TRPM3: variants seen among roughly 807,000 people sequenced by gnomAD.
TRPM3 encodes long transient receptor potential channel 3.
A neutral mutation model predicts 181.2 loss-of-function variants in TRPM3; 77 were observed. The observed-to-expected ratio is 0.42, with a 90% CI of 0.35 to 0.51. The LOEUF (loss-of-function observed/expected upper bound fraction) is 0.51. TRPM3 is among the 20% of genes least tolerant of loss of function. The pLI is 0.01. For missense variants in TRPM3, 1,759 were observed against 2,196.7 expected (o/e 0.80, Z 3.98); for synonymous variants, 745 against 796.4 (o/e 0.94, Z 1.09).
chr9:70,674,140 T>C (rs921305940), intron 9 of TRPM3, among the ~76,000 whole-genome samples: 2 of 152,094 alleles, frequency 1.3e-5, no homozygotes, highest in Non-Finnish European at 2.9e-5. Context: ...GGGCAGCAAG[T>C]CTTGTACACA....
intron 1 of TRPM3, among the ~76,000 whole-genome samples, chr9:70,889,012 A>T (rs1188941652): frequency 6.6e-6 from 1 of 152,194 alleles, no homozygotes; most frequent in East Asian, 1.9e-4. Context: ...AAATTTCAAC[A>T]TGAATGGATG....
At chr9:71,374,284 G>C (rs1483444679) in intron 1 of TRPM3, among the ~76,000 whole-genome samples, 1 of 152,138 alleles carries the variant, frequency 6.6e-6, no homozygotes, top group Non-Finnish European at 1.5e-5. Flanking sequence ...TGAGGCAGGA[G>C]AATCACTGGA....
chr9:70,609,351 G>A (rs992816240), intron 19 of TRPM3, among the ~76,000 whole-genome samples: 1 of 152,148 alleles, frequency 6.6e-6, no homozygotes, highest in Non-Finnish European at 1.5e-5. Flanking sequence ...TTATTTTTGG[G>A]GGGAGAGAAT....
At chr9:70,917,140 C>G (rs2096604844) in intron 1 of TRPM3, 1 of 1,605,546 alleles carries the variant, frequency 6.2e-7, no homozygotes, top group East Asian at 2.2e-5. Flanking sequence ...TGAGTTCGGC[C>G]ACATCTGGGG....
intron 1 of TRPM3, among the ~76,000 whole-genome samples, chr9:70,893,939 C>T (rs1177059233): frequency 6.6e-6 from 1 of 152,126 alleles, no homozygotes; most frequent in Non-Finnish European, 1.5e-5. Flanking sequence ...CAAATTTCTT[C>T]TACTGGAAAA....
At chr9:71,183,489 T>G (rs770178804) in intron 1 of TRPM3, among the ~76,000 whole-genome samples, 3 of 152,162 alleles carry the variant, frequency 2.0e-5, no homozygotes, top group Non-Finnish European at 2.9e-5. Flanking sequence ...TGGCTGCTTC[T>G]CCTGCAAATC....
intron 1 of TRPM3, among the ~76,000 whole-genome samples, chr9:70,990,148 C>A (rs2097463480): frequency 6.6e-6 from 1 of 152,212 alleles, no homozygotes; most frequent in South Asian, 2.1e-4. Context: ...TATTTAATAC[C>A]TATTCTATTC....
At chr9:70,886,320 TG>T (rs1459433661) in intron 1 of TRPM3, among the ~76,000 whole-genome samples, 25 of 152,320 alleles carry the variant, frequency 1.6e-4, no homozygotes, top group African/African-American at 5.8e-4. Flanking sequence ...GCATCGTTGG[TG>T]GAACTGTTAC....
intron 22 of TRPM3, 100 bp from the exon 23 acceptor site, chr9:70,553,410 A>G (rs1256044434): frequency 1.4e-6 from 2 of 1,400,574 alleles, no homozygotes; most frequent in African/African-American, 2.9e-5. Flanking sequence ...TGGAAGAAAT[A>G]TATAGCCATC....
intron 6 of TRPM3, among the ~76,000 whole-genome samples, chr9:70,804,763 C>T (rs901674305): frequency 2.6e-5 from 4 of 152,116 alleles, no homozygotes; most frequent in African/African-American, 9.7e-5. Context: ...TCGGCTCCTA[C>T]TCTGCACTCC....
chr9:71,360,101 C>T (rs906736927), intron 1 of TRPM3, among the ~76,000 whole-genome samples: 1 of 152,186 alleles, frequency 6.6e-6, no homozygotes, highest in East Asian at 1.9e-4. Context: ...TTATTTTCAT[C>T]ATTATCATTT....
At chr9:70,911,377 T>C (rs1294589080) in intron 1 of TRPM3, among the ~76,000 whole-genome samples, 3 of 152,224 alleles carry the variant, frequency 2.0e-5, no homozygotes, top group Non-Finnish European at 2.9e-5. Flanking sequence ...GATCCTTTCA[T>C]TTATCTTATT....
At chr9:70,809,439 T>TA (rs2091426765) in intron 6 of TRPM3, among the ~76,000 whole-genome samples, 1 of 152,222 alleles carries the variant, frequency 6.6e-6, no homozygotes, top group African/African-American at 2.4e-5. Context: ...TATTAAGGTG[T>TA]ACTATTTGTA....
Position 70,635,241 on chromosome 9 carries a change from T to C in TRPM3, c.1602A>G (p.Thr534=). 4 of 1,613,850 alleles carry C rather than the reference T, an allele frequency of 2.5e-6. No homozygotes were observed. Among genetic ancestry groups the C allele is most frequent in the Non-Finnish European group, 3.4e-6 (4 of 1,179,882 alleles). ...LYNTRHGPSN[T]LYHLVRDVKK... The stretch of plus-strand genomic sequence containing the variant: ...TGACATCCCTGACCAAGTGGTACAA[T>C]GTATTTGAGGGCCCATGTCTCTGAA... The change falls in exon 12 of 26, where the codon ACA becomes ACG. Residue 534 remains threonine, a synonymous_variant. Transcript: ENST00000677713.
intron 1 of TRPM3, among the ~76,000 whole-genome samples, chr9:70,994,429 T>C (rs1477928304): frequency 3.3e-5 from 5 of 152,182 alleles, no homozygotes; most frequent in African/African-American, 1.2e-4. Context: ...GCTTGAAAAC[T>C]ACCTGACTTT....
intron 7 of TRPM3, chr9:70,775,596 A>C (rs2081202143): frequency 6.6e-6 from 1 of 152,218 alleles, no homozygotes. Context: ...GAGGAGCTCC[A>C]CAGCTGCCTC....
At chr9:71,375,156 G>C (rs2092633651) in intron 1 of TRPM3, among the ~76,000 whole-genome samples, 1 of 151,900 alleles carries the variant, frequency 6.6e-6, no homozygotes, top group African/African-American at 2.4e-5. Context: ...AAAACAGCAT[G>C]GCACTGGTAC....
chr9:71,171,563 C>T (rs1565301868), intron 1 of TRPM3, among the ~76,000 whole-genome samples: 1 of 152,136 alleles, frequency 6.6e-6, no homozygotes, highest in African/African-American at 2.4e-5. Flanking sequence ...CAAACTTTTA[C>T]TATGTACTGA....
chr9:71,276,107 C>T (rs2084192518), intron 1 of TRPM3, among the ~76,000 whole-genome samples: 1 of 152,150 alleles, frequency 6.6e-6, no homozygotes, highest in African/African-American at 2.4e-5. Context: ...TCCCAAAGTG[C>T]TGTGATTACA....
Sources: gnomAD v4.1 joint callset for allele counts (sites outside exome capture counted in the v4.1 genomes callset) on GRCh38, gnomAD v4.1.1 for gene constraint, MANE v1.5 for transcripts, NCBI Gene and HGNC (gene_info 2026-07-23, HGNC 2026-07-21) for gene names.